The following ARHGAP44 variants were observed in gnomAD, a reference collection of about 807,000 sequenced individuals.
ARHGAP44 encodes Rho GTPase activating protein 44.
In ARHGAP44, 43 loss-of-function variants were observed where a neutral mutation model predicts 106.8. The ratio of observed to expected loss-of-function variants is 0.40; its 90% CI spans 0.32 to 0.52. ARHGAP44 has a LOEUF of 0.52. ARHGAP44 is among the 20% of genes least tolerant of loss of function. The pLI is 0.48. For missense variants in ARHGAP44, 866 were observed against 1,050.5 expected, an observed-to-expected ratio of 0.82 and a Z score of 2.43; for synonymous variants, 439 against 410.3, an observed-to-expected ratio of 1.07 and a Z score of -0.85.
intron 12 of ARHGAP44, among the ~76,000 whole-genome samples, chr17:12,952,018 A>G (rs991599437): frequency 2.6e-5 from 4 of 152,200 alleles, no homozygotes; most frequent in Non-Finnish European, 4.4e-5. Context: ...AAGATGGGAC[A>G]TCCGGGGGCC....
At position 12,876,706 on chromosome 17, in the gene ARHGAP44, A is replaced by T. The variant is rs1283924728; in HGVS notation, c.54-18234A>T. Among the ~76,000 whole-genome samples the T allele has an allele frequency of 3.3e-5, 5 of 151,704 alleles. No homozygotes were observed. In the East Asian group the frequency reaches 9.7e-4, roughly 29 times the overall value. Reference sequence around the variant, plus strand: ...GAGGTGGGCGGATCACGGACAGGAGATCGAGACCATCCTGGCCAACATGGT... The same window carrying T: ...GAGGTGGGCGGATCACGGACAGGAGTTCGAGACCATCCTGGCCAACATGGT... On this transcript the variant is annotated intron_variant, in intron 1 of 20. Coordinates refer to ENST00000379672, the MANE Select transcript of ARHGAP44 (RefSeq NM_014859.6).
chr17:12,982,617 A>G (rs1176556438), intron 19 of ARHGAP44: 1 of 152,230 alleles, frequency 6.6e-6, no homozygotes, highest in African/African-American at 2.4e-5. Context: ...GTGAAATTGG[A>G]AAGTTAAGTG....
At position 12,980,223 on chromosome 17, in the gene ARHGAP44, C is replaced by G. The variant is rs375164678; in HGVS notation, c.1929C>G (p.Thr643=). The G allele has an allele frequency of 6.2e-7, 1 of 1,611,876 alleles. No individual in the cohort carries two copies. Among genetic ancestry groups the G allele is most frequent in the Non-Finnish European group, 8.5e-7 (1 of 1,179,312 alleles). ...CGCCTGCAGACCAGAGTCCTCACAC[C>G]CTCCGGAAAGGTATGGCCCTGCTTC... ...SQPPADQSPH[T]LRKVSKKLAP... Residue 643 remains threonine, a synonymous_variant, in exon 19 of 21, where the codon ACC becomes ACG. Coordinates refer to ENST00000379672, the MANE Select transcript of ARHGAP44 (RefSeq NM_014859.6).
chr17:12,845,525 A>AAC (rs1233207273), intron 1 of ARHGAP44, among the ~76,000 whole-genome samples: 1 of 151,214 alleles, frequency 6.6e-6, no homozygotes, highest in Non-Finnish European at 1.5e-5. Context: ...AAAAAAAACA[A>AAC]AAAAACAACT....
intron 1 of ARHGAP44, among the ~76,000 whole-genome samples, chr17:12,831,892 C>T (rs962302561): frequency 2.6e-5 from 4 of 152,082 alleles, no homozygotes; most frequent in Non-Finnish European, 4.4e-5. Flanking sequence ...GGGATGAGAC[C>T]GTGACCTGTT....
At chr17:12,989,221 G>A (rs1426854430) in intron 20 of ARHGAP44, among the ~76,000 whole-genome samples, 1 of 151,880 alleles carries the variant, frequency 6.6e-6, no homozygotes, top group East Asian at 1.9e-4. Flanking sequence ...TCCTGGAGGA[G>A]TCAGCAAGCA....
chr17:12,916,879 A>G (rs1175141010), intron 5 of ARHGAP44, among the ~76,000 whole-genome samples: 3 of 152,216 alleles, frequency 2.0e-5, no homozygotes, highest in East Asian at 3.8e-4. Context: ...TTAATTCGTC[A>G]TCTGTTAATA....
At chr17:12,842,341 C>G (rs2035435841) in intron 1 of ARHGAP44, among the ~76,000 whole-genome samples, 1 of 146,170 alleles carries the variant, frequency 6.8e-6, no homozygotes, top group South Asian at 2.1e-4. Context: ...TGCTTGAGAC[C>G]AGGAGGTCGA....
chr17:12,935,289 A>C (rs1477953790), intron 7 of ARHGAP44, among the ~76,000 whole-genome samples: 1 of 152,204 alleles, frequency 6.6e-6, no homozygotes, highest in East Asian at 1.9e-4. Flanking sequence ...TAAAGGGCAT[A>C]TGGGCCGGGT....
At chr17:12,844,379 A>G (rs4792290) in intron 1 of ARHGAP44, among the ~76,000 whole-genome samples, 44,710 of 152,058 alleles carry the variant, frequency 0.29, 9,773 homozygotes, top group African/African-American at 0.61. Flanking sequence ...TGCACTCACA[A>G]TATAGCAACA....
chr17:12,842,955 T>C (rs530994482), intron 1 of ARHGAP44, among the ~76,000 whole-genome samples: 1 of 152,184 alleles, frequency 6.6e-6, no homozygotes, highest in South Asian at 2.1e-4. Context: ...GTCAGTATAT[T>C]CTCCTAACTC....
At chr17:12,989,907 C>G in intron 20 of ARHGAP44, 125 bp from the exon 21 acceptor site, 1 of 1,393,602 alleles carries the variant, frequency 7.2e-7, no homozygotes, top group Non-Finnish European at 9.8e-7. Context: ...AAACCAACCT[C>G]CAAATGATCT....
chr17:12,950,364 C>T (rs2038963284), intron 12 of ARHGAP44, among the ~76,000 whole-genome samples: 1 of 152,134 alleles, frequency 6.6e-6, no homozygotes, highest in Non-Finnish European at 1.5e-5. Flanking sequence ...AGCAGCCTCT[C>T]TCTCCCCTCC....
intron 7 of ARHGAP44, among the ~76,000 whole-genome samples, chr17:12,935,016 T>A (rs1192085423): frequency 2.0e-5 from 3 of 152,166 alleles, no homozygotes; most frequent in African/African-American, 7.2e-5. Context: ...CCTGCAGGCA[T>A]CCTCTGTGGC....
At chr17:12,975,275 C>A (rs1226951453) in intron 18 of ARHGAP44, among the ~76,000 whole-genome samples, 1 of 152,080 alleles carries the variant, frequency 6.6e-6, no homozygotes, top group Non-Finnish European at 1.5e-5. Flanking sequence ...TTTACAATTT[C>A]TGTGTTTCTC....
At chr17:12,943,487 T>C in intron 8 of ARHGAP44, 101 bp from the exon 9 acceptor site, 2 of 1,034,262 alleles carry the variant, frequency 1.9e-6, no homozygotes, top group Non-Finnish European at 3.0e-6. Flanking sequence ...GACTACCTCC[T>C]TCCGCATGTG....
intron 6 of ARHGAP44, among the ~76,000 whole-genome samples, chr17:12,920,491 TCTTAGA>T (rs1398884889): frequency 6.6e-6 from 1 of 151,332 alleles, no homozygotes; most frequent in Non-Finnish European, 1.5e-5. Context: ...GTCATTTTGG[TCTTAGA>T]CTTAGATGAT....
At chr17:12,803,347 T>A (rs1432095169) in intron 1 of ARHGAP44, among the ~76,000 whole-genome samples, 1 of 152,102 alleles carries the variant, frequency 6.6e-6, no homozygotes, top group African/African-American at 2.4e-5. Flanking sequence ...CCTCAAGCGA[T>A]CTGCCTGCCT....
intron 12 of ARHGAP44, among the ~76,000 whole-genome samples, chr17:12,951,789 T>C (rs569628228): frequency 6.6e-6 from 1 of 152,336 alleles, no homozygotes; most frequent in South Asian, 2.1e-4. Context: ...GTGTGCATCA[T>C]TATGTCCTGG....
Sources: allele counts gnomAD v4.1 joint callset (sites outside exome capture counted in the v4.1 genomes callset), GRCh38; gene constraint gnomAD v4.1.1; transcripts MANE v1.5; gene names NCBI Gene and HGNC (gene_info 2026-07-23, HGNC 2026-07-21).